The following PRUNE2 variants were observed in gnomAD, a reference collection of about 807,000 sequenced individuals.
PRUNE2 encodes the protein prune homolog 2 with BCH domain.
Under a neutral mutation model 252.0 loss-of-function variants are expected in PRUNE2, and 164 were observed. The observed-to-expected ratio is 0.65, with a 90% CI of 0.57 to 0.74. The LOEUF (loss-of-function observed/expected upper bound fraction) is 0.74, where lower values mean the gene tolerates loss of function less well. PRUNE2 is among the 30% of genes least tolerant of loss of function. The probability of loss-of-function intolerance (pLI) is 0.00; values close to 1 mark genes in which losing one functional copy is unlikely to be tolerated. For synonymous variants in PRUNE2, 1,292 were observed against 1,350.2 expected, an observed-to-expected ratio of 0.96 and a Z score of 0.94; for missense variants, 3,495 against 3,711.0, an observed-to-expected ratio of 0.94 and a Z score of 1.51.
intron 11 of PRUNE2, among the ~76,000 whole-genome samples, chr9:76,649,551 A>C (rs1259954663): frequency 6.6e-6 from 1 of 152,012 alleles, no homozygotes. Context: ...ACATCAGTGC[A>C]CTCCAGCCTA....
chr9:76,627,111 T>A (rs1243257524), intron 16 of PRUNE2, among the ~76,000 whole-genome samples: 6 of 151,854 alleles, frequency 4.0e-5, no homozygotes, highest in Non-Finnish European at 5.9e-5. Context: ...TTTTTCTTCT[T>A]CTTTTTTGAG....
At chr9:76,702,778 AATATG>A (rs1439555212) in intron 9 of PRUNE2, among the ~76,000 whole-genome samples, 5 of 152,214 alleles carry the variant, frequency 3.3e-5, no homozygotes, top group Non-Finnish European at 7.3e-5. Context: ...TGTATTTGAA[AATATG>A]AAAATGCCTC....
At chr9:76,825,148 G>A (rs2058272208) in intron 5 of PRUNE2, among the ~76,000 whole-genome samples, 1 of 152,136 alleles carries the variant, frequency 6.6e-6, no homozygotes, top group South Asian at 2.1e-4. Context: ...AGGCCCCCTG[G>A]GTCTGAGTAG....
intron 12 of PRUNE2, among the ~76,000 whole-genome samples, chr9:76,643,418 T>C (rs923730678): frequency 1.3e-5 from 2 of 152,212 alleles, no homozygotes; most frequent in African/African-American, 4.8e-5. Flanking sequence ...CAAAAATATC[T>C]GATGGGTGGT....
intron 1 of PRUNE2, among the ~76,000 whole-genome samples, chr9:76,879,903 A>ATATATATATATATTTT (rs770473789): frequency 3.2e-5 from 1 of 31,004 alleles, no homozygotes; most frequent in African/African-American, 1.8e-4. Context: ...ATATATATAT[A>ATATATATATATATTTT]TTTTTTTTTT....
intron 18 of PRUNE2, among the ~76,000 whole-genome samples, chr9:76,618,864 GCTT>G (rs1564325985): frequency 6.6e-6 from 1 of 152,182 alleles, no homozygotes; most frequent in South Asian, 2.1e-4. Context: ...TCCAATTTCT[GCTT>G]CTCACAGGAT....
Position 76,706,840 on chromosome 9 carries a change from C to T in PRUNE2, c.5434G>A (p.Glu1812Lys), listed in dbSNP as rs546778607. ...AGCATTTCCAGTTGAGAATTATCTT[C>T]GTTCTTTGGGAACGAAGCTTTGGGA... ...ISPKASFPKN[E>K]DNSQLEMLGF... is the part of the protein sequence containing the mutation. Residue 1812 changes from glutamate to lysine, a missense_variant, in exon 8 of 19, where the codon GAA becomes AAA. Transcript: ENST00000376718. 65 of 1,595,728 alleles carry T rather than the reference C, an allele frequency of 4.1e-5. No homozygotes were observed. The highest frequency in any genetic ancestry group is 1.6e-4 in the East Asian group (7 of 44,704).
At chr9:76,807,148 C>A (rs1396188428) in intron 6 of PRUNE2, among the ~76,000 whole-genome samples, 5 of 151,692 alleles carry the variant, frequency 3.3e-5, no homozygotes, top group Non-Finnish European at 5.9e-5. Flanking sequence ...ACAGCTCCTG[C>A]AGCCTTAAAC....
intron 6 of PRUNE2, chr9:76,778,692 T>C (rs529886571): frequency 6.6e-6 from 1 of 152,348 alleles, no homozygotes; most frequent in South Asian, 2.1e-4. Flanking sequence ...TAAAGTGGGA[T>C]ATAGTATGAT....
At chr9:76,780,302 G>C (rs2054231631) in intron 6 of PRUNE2, among the ~76,000 whole-genome samples, 1 of 152,108 alleles carries the variant, frequency 6.6e-6, no homozygotes, top group African/African-American at 2.4e-5. Flanking sequence ...AATTTCCAGA[G>C]AGAAGTGAAA....
chr9:76,615,709 GTTATTA>G (rs1009421646), intron 18 of PRUNE2, among the ~76,000 whole-genome samples: 1 of 144,570 alleles, frequency 6.9e-6, no homozygotes, highest in South Asian at 2.2e-4. Context: ...CATAATGTCT[GTTATTA>G]TTAGCAGCAA....
intron 1 of PRUNE2, among the ~76,000 whole-genome samples, chr9:76,855,022 C>T (rs2060165692): frequency 7.0e-6 from 1 of 142,852 alleles, no homozygotes; most frequent in Non-Finnish European, 1.5e-5. Flanking sequence ...GCCGAGATTG[C>T]ACCACTGCAC....
intron 6 of PRUNE2, among the ~76,000 whole-genome samples, chr9:76,752,838 A>G (rs548514288): frequency 7.2e-5 from 11 of 152,298 alleles, no homozygotes; most frequent in African/African-American, 2.6e-4. Flanking sequence ...CTGACTCCAG[A>G]GCCCAAGTTC....
intron 12 of PRUNE2, among the ~76,000 whole-genome samples, chr9:76,643,026 G>A (rs1189582143): frequency 6.6e-6 from 1 of 152,158 alleles, no homozygotes; most frequent in East Asian, 1.9e-4. Flanking sequence ...TGGCAGGGAC[G>A]GAGAGCACAG....
intron 6 of PRUNE2, among the ~76,000 whole-genome samples, chr9:76,776,770 C>T (rs1015915062): frequency 6.6e-6 from 1 of 151,602 alleles, no homozygotes; most frequent in African/African-American, 2.4e-5. Flanking sequence ...CCACCTCAGC[C>T]TCCCAAAGTG....
At chr9:76,680,480 G>A (rs1420741551) in intron 9 of PRUNE2, among the ~76,000 whole-genome samples, 2 of 152,108 alleles carry the variant, frequency 1.3e-5, no homozygotes, top group Non-Finnish European at 2.9e-5. Context: ...AAAACAGGAT[G>A]GTGGATCCTC....
intron 10 of PRUNE2, among the ~76,000 whole-genome samples, chr9:76,655,100 G>A (rs1277343579): frequency 3.3e-5 from 5 of 152,126 alleles, no homozygotes; most frequent in Non-Finnish European, 5.9e-5. Context: ...TTACAATTAT[G>A]TGTAAATGCG....
At chr9:76,809,366 T>C (rs1026528614) in intron 6 of PRUNE2, among the ~76,000 whole-genome samples, 7 of 152,188 alleles carry the variant, frequency 4.6e-5, no homozygotes, top group African/African-American at 1.7e-4. Context: ...GATGAGAAAT[T>C]ACTTAATTGG....
chr9:76,637,603 A>G lies in PRUNE2; in HGVS notation c.8832-54T>C, dbSNP rs994829873. Reference sequence around the variant, plus strand: ...TCAGTTCCCACATCCTATTGACACCATAATTACATAACATCAAAAGTACAG... The same window carrying G: ...TCAGTTCCCACATCCTATTGACACCGTAATTACATAACATCAAAAGTACAG... On this transcript the variant is annotated intron_variant, in intron 13 of 18. Transcript: ENST00000376718. 9.9e-6 allele frequency: 15 copies of G among 1,509,794 alleles called. No individual in the cohort carries two copies. In the African/African-American group the frequency reaches 1.8e-4, roughly 18 times the overall value. The allele number at this position is 1,509,794 out of a possible 1,614,324, so 93.5% of individuals were successfully genotyped here.
Sources: gnomAD v4.1 joint callset for allele counts (sites outside exome capture counted in the v4.1 genomes callset) on GRCh38, gnomAD v4.1.1 for gene constraint, MANE v1.5 for transcripts, NCBI Gene and HGNC (gene_info 2026-07-23, HGNC 2026-07-21) for gene names.